FANCD2: variants seen among roughly 807,000 people sequenced by gnomAD.
FANCD2 encodes Fanconi anemia group D2 protein.
FANCD2 carries 131 observed loss-of-function variants against 192.3 expected under a neutral mutation model. The observed-to-expected ratio is 0.68, with a 90% CI of 0.59 to 0.79. The LOEUF (loss-of-function observed/expected upper bound fraction) is 0.79. Ranked by LOEUF, FANCD2 falls within the 30% of genes least tolerant of loss-of-function variation. The probability of loss-of-function intolerance (pLI) is 0.00; values close to 1 mark genes in which losing one functional copy is unlikely to be tolerated. For synonymous variants in FANCD2, 524 were observed against 612.5 expected (o/e 0.86, Z 2.13); for missense variants, 1,508 against 1,701.6 (o/e 0.89, Z 2.00).
chr3:10,098,791 G>A lies in FANCD2; in HGVS notation c.4257G>A (p.Gln1419=), dbSNP rs763525147. Residue 1419 remains glutamine, a synonymous_variant, in exon 43 of 44, where the codon CAG becomes CAA. Transcript: ENST00000675286. ...ADESEDDMSS[Q]ASKSKATEDG... ...AGAGTGAGGATGACATGTCATCCCA[G>A]GCCTCCAAGAGCAAAGCCACTGAGG... 9 of 1,614,186 alleles carry A rather than the reference G, an allele frequency of 5.6e-6. No homozygotes were observed. In the South Asian group the frequency reaches 7.7e-5, roughly 14 times the overall value.
chr3:10,050,632 A>AG (rs2087173175), intron 17 of FANCD2, among the ~76,000 whole-genome samples: 1 of 151,724 alleles, frequency 6.6e-6, no homozygotes, highest in South Asian at 2.1e-4. Context: ...CAAAAAAAAA[A>AG]AAAAAAAAAA....
chr3:10,062,453 G>A (rs1354589858), intron 20 of FANCD2, among the ~76,000 whole-genome samples: 6 of 151,836 alleles, frequency 4.0e-5, no homozygotes, highest in African/African-American at 1.5e-4. Context: ...TGTTGGCCCC[G>A]CTGGTCCTGA....
intron 32 of FANCD2, among the ~76,000 whole-genome samples, 179 bp from the exon 33 acceptor site, chr3:10,085,633 G>A (rs187670254): frequency 5.3e-5 from 8 of 151,794 alleles, no homozygotes; most frequent in African/African-American, 1.5e-4. Context: ...CTCGTTATTC[G>A]CCCGCCTCAG....
intron 30 of FANCD2, among the ~76,000 whole-genome samples, chr3:10,079,786 G>A (rs376954742): frequency 6.6e-6 from 1 of 152,176 alleles, no homozygotes; most frequent in East Asian, 1.9e-4. Flanking sequence ...GTGTACAAAC[G>A]TGCACCTAGC....
Position 10,043,483 on chromosome 3 carries a change from G to T in FANCD2, c.990-1G>T. On this transcript the variant is annotated splice_acceptor_variant, in intron 12 of 43. Transcript: ENST00000675286. LOFTEE classifies it high-confidence loss of function. ...ATTTTTTTCCTCTCTGCTACTTGTA[G>T]TTCCTCAGGAAATCAAGAAAGCAGC... 1 of 1,612,294 alleles carries T rather than the reference G, an allele frequency of 6.2e-7. No homozygotes were observed. Among genetic ancestry groups the T allele is most frequent in the Non-Finnish European group, 8.5e-7 (1 of 1,178,490 alleles).
intron 26 of FANCD2, among the ~76,000 whole-genome samples, chr3:10,069,677 C>A (rs192339827): frequency 2.0e-5 from 3 of 152,098 alleles, no homozygotes; most frequent in African/African-American, 4.8e-5. Flanking sequence ...TTGGCCGGGC[C>A]GGTCTCCAGC....
At chr3:10,063,759 C>T (rs2125032427) in intron 20 of FANCD2, 33 bp from the exon 21 acceptor site, 1 of 1,613,810 alleles carries the variant, frequency 6.2e-7, no homozygotes, top group Non-Finnish European at 8.5e-7. Context: ...ATTGGCAGCC[C>T]AAGGTTTAAA....
At chr3:10,069,065 A>T (rs1275404360) in intron 26 of FANCD2, among the ~76,000 whole-genome samples, 11 of 152,070 alleles carry the variant, frequency 7.2e-5, no homozygotes, top group Admixed American at 7.2e-4. Flanking sequence ...CATTCAGAAA[A>T]CTCTTCAGGA....
At chr3:10,086,902 A>G (rs930272490) in intron 33 of FANCD2, among the ~76,000 whole-genome samples, 1 of 152,170 alleles carries the variant, frequency 6.6e-6, no homozygotes, top group African/African-American at 2.4e-5. Flanking sequence ...GACCCCTTCA[A>G]GGCCAACATT....
Position 10,085,801 on chromosome 3 carries a change from G to T in FANCD2, c.3225-11G>T. ...AAACTAAGCTAACCCCTCTTACCTT[G>T]ACTTCCTTAGGAGTGGATTTTCTCA... On this transcript the variant is annotated splice_polypyrimidine_tract_variant and intron_variant, in intron 32 of 43. Coordinates refer to ENST00000675286, the MANE Select transcript of FANCD2 (RefSeq NM_001018115.3). 2 of 1,587,766 alleles carry T rather than the reference G, an allele frequency of 1.3e-6. No homozygotes were observed. The highest frequency in any genetic ancestry group is 2.2e-5 in the South Asian group (2 of 90,532).
At chr3:10,050,500 G>C (rs1051789187) in intron 17 of FANCD2, among the ~76,000 whole-genome samples, 3 of 151,744 alleles carry the variant, frequency 2.0e-5, no homozygotes, top group Non-Finnish European at 2.9e-5. Context: ...GCGGTCGCCT[G>C]TAGTCCCAGC....
intron 24 of FANCD2, 143 bp downstream of exon 24, chr3:10,065,637 A>G (rs1225839059): frequency 1.4e-6 from 1 of 736,244 alleles, no homozygotes; most frequent in Non-Finnish European, 2.5e-6. Context: ...TTCCAAAGAC[A>G]AAATAGTACA....
intron 20 of FANCD2, among the ~76,000 whole-genome samples, chr3:10,062,493 C>T (rs568837233): frequency 1.3e-5 from 2 of 152,212 alleles, no homozygotes; most frequent in African/African-American, 4.8e-5. Flanking sequence ...CCACCTGCCT[C>T]GGCCTCCCAA....
chr3:10,091,280 C>T (rs539949942), intron 37 of FANCD2, among the ~76,000 whole-genome samples: 7 of 151,590 alleles, frequency 4.6e-5, no homozygotes, highest in South Asian at 2.1e-4. Flanking sequence ...GGGGTTTTGT[C>T]GTGTTGCTCA....
In FANCD2 at chr3:10,052,414, T is replaced by TC. The variant is rs758121289; in HGVS notation, c.1577dup (p.Gln527SerfsTer16). The TC allele has an allele frequency of 1.2e-5, 20 of 1,612,780 alleles. No individual in the cohort carries two copies. Among genetic ancestry groups the TC allele is most frequent in the Non-Finnish European group, 1.6e-5 (19 of 1,178,990 alleles). ...CATTTTAGATTATCTGGATAACATA[T>TC]CCCCTCAGCAAATACGAAAACTCTT... On this transcript the variant is annotated frameshift_variant, in exon 18 of 44. Coordinates refer to ENST00000675286, the MANE Select transcript of FANCD2 (RefSeq NM_001018115.3). LOFTEE classifies it high-confidence loss of function.
intron 26 of FANCD2, among the ~76,000 whole-genome samples, chr3:10,069,874 C>G (rs541958538): frequency 6.6e-6 from 1 of 151,984 alleles, no homozygotes; most frequent in Non-Finnish European, 1.5e-5. Context: ...AGCCTCTGCC[C>G]GGCCGCCACC....
intron 15 of FANCD2, among the ~76,000 whole-genome samples, 189 bp downstream of exon 15, chr3:10,046,912 A>AC (rs2087032799): frequency 6.6e-6 from 1 of 152,276 alleles, no homozygotes; most frequent in Non-Finnish European, 1.5e-5. Context: ...TCCGTATCCT[A>AC]TTTAAGTAGC....
intron 20 of FANCD2, 61 bp downstream of exon 20, chr3:10,062,272 GCT>G: frequency 7.2e-7 from 1 of 1,391,204 alleles, no homozygotes; most frequent in Non-Finnish European, 1.0e-6. Flanking sequence ...AGAGAGTCTC[GCT>G]CTGTCACCCA....
chr3:10,098,995 G>T, intron 43 of FANCD2, 180 bp downstream of exon 43: 1 of 1,613,722 alleles, frequency 6.2e-7, no homozygotes, highest in South Asian at 1.1e-5. Context: ...AAGAAACAAC[G>T]ACACAATCTT....
Sources: allele counts gnomAD v4.1 joint callset (sites outside exome capture counted in the v4.1 genomes callset), GRCh38; gene constraint gnomAD v4.1.1; transcripts MANE v1.5; gene names NCBI Gene and HGNC (gene_info 2026-07-23, HGNC 2026-07-21).